Variants in RPN2 observed in about 807,000 individuals in gnomAD.
RPN2 encodes ribophorin II.
Under a neutral mutation model 71.4 loss-of-function variants are expected in RPN2, and 29 were observed. The ratio of observed to expected loss-of-function variants is 0.41; its 90% CI spans 0.30 to 0.55. The LOEUF (loss-of-function observed/expected upper bound fraction) is 0.55. Among genes scored for constraint, RPN2 ranks in the 20% least tolerant of loss-of-function variants. RPN2 has a pLI of 0.35. For synonymous variants in RPN2, 308 were observed against 305.0 expected, an observed-to-expected ratio of 1.01 and a Z score of -0.10; for missense variants, 726 against 774.1, an observed-to-expected ratio of 0.94 and a Z score of 0.74.
chr20:37,205,109 A>G (rs1219254915), intron 6 of RPN2, among the ~76,000 whole-genome samples: 1 of 152,148 alleles, frequency 6.6e-6, no homozygotes, highest in Non-Finnish European at 1.5e-5. Context: ...CGTGTAAACA[A>G]ACCATGCTTG....
intron 4 of RPN2, among the ~76,000 whole-genome samples, chr20:37,201,259 T>G (rs2146573489): frequency 6.7e-6 from 1 of 149,822 alleles, no homozygotes; most frequent in African/African-American, 2.5e-5. Flanking sequence ...TCGTTGTTGT[T>G]ATTTGTATGT....
chr20:37,203,816 A>T, intron 4 of RPN2, 69 bp from the exon 5 acceptor site: 1 of 1,086,220 alleles, frequency 9.2e-7, no homozygotes, highest in Admixed American at 1.7e-5. Context: ...AAAGTGTCCA[A>T]GTACGGGAAG....
At chr20:37,229,204 A>G (rs539162761) in intron 12 of RPN2, among the ~76,000 whole-genome samples, 3 of 152,296 alleles carry the variant, frequency 2.0e-5, no homozygotes, top group African/African-American at 7.2e-5. Context: ...CTAATAACCA[A>G]CATTTGTGTA....
chr20:37,240,520 C>CCA (rs976285181), intron 16 of RPN2, among the ~76,000 whole-genome samples: 5 of 152,300 alleles, frequency 3.3e-5, no homozygotes, highest in African/African-American at 1.2e-4. Flanking sequence ...GGAAGAGCTG[C>CCA]CACTGAAGGA....
chr20:37,228,900 T>C (rs967516390), intron 12 of RPN2, 156 bp downstream of exon 12: 18 of 711,522 alleles, frequency 2.5e-5, no homozygotes, highest in Admixed American at 1.3e-4. Flanking sequence ...TCTCCATAAA[T>C]AGTCCTGGGG....
At chr20:37,230,091 G>A (rs112634284) in intron 13 of RPN2, 32 bp downstream of exon 13, 41,535 of 1,536,374 alleles carry the variant, frequency 0.027, 708 homozygotes, top group Middle Eastern at 0.031. Context: ...CACTAAACGT[G>A]GGAGAAGAGA....
At chr20:37,234,890 G>A (rs1600849267) in intron 15 of RPN2, among the ~76,000 whole-genome samples, 2 of 152,178 alleles carry the variant, frequency 1.3e-5, no homozygotes, top group East Asian at 1.9e-4. Flanking sequence ...TGTGTTCAGA[G>A]CTGGTCTTGA....
intron 16 of RPN2, chr20:37,238,935 T>C (rs567423048): frequency 4.5e-6 from 2 of 448,852 alleles, no homozygotes; most frequent in African/African-American, 4.0e-5. Flanking sequence ...TATGAAGGAC[T>C]GATGGCCACA....
At chr20:37,229,926 C>T in intron 12 of RPN2, 47 bp from the exon 13 acceptor site, 1 of 1,380,100 alleles carries the variant, frequency 7.2e-7, no homozygotes, top group East Asian at 2.3e-5. Context: ...TGAGTTTCAC[C>T]CACTTCTCTG....
At chr20:37,212,193 C>T (rs150389930) in intron 8 of RPN2, among the ~76,000 whole-genome samples, 1,879 of 152,112 alleles carry the variant, frequency 0.012, 37 homozygotes, top group African/African-American at 0.043. Flanking sequence ...GTGGGAGGAT[C>T]GCTTGAGGCT....
chr20:37,239,756 G>A (rs2068502541), intron 16 of RPN2, among the ~76,000 whole-genome samples: 1 of 152,098 alleles, frequency 6.6e-6, no homozygotes, highest in South Asian at 2.1e-4. Context: ...GCTCCCCGGT[G>A]CCCCTTTTAG....
chr20:37,198,030 C>G (rs959744917), intron 2 of RPN2, among the ~76,000 whole-genome samples: 1 of 152,138 alleles, frequency 6.6e-6, no homozygotes, highest in Non-Finnish European at 1.5e-5. Context: ...CAATTTGGAG[C>G]CCCAGTTTCT....
intron 2 of RPN2, among the ~76,000 whole-genome samples, chr20:37,193,729 G>A (rs1227172534): frequency 6.6e-6 from 1 of 152,178 alleles, no homozygotes; most frequent in Non-Finnish European, 1.5e-5. Flanking sequence ...AACACAGGAA[G>A]ACAATGAGGT....
intron 2 of RPN2, among the ~76,000 whole-genome samples, chr20:37,190,507 C>T (rs1001370190): frequency 2.0e-5 from 3 of 152,176 alleles, no homozygotes; most frequent in African/African-American, 7.2e-5. Context: ...TAATAATACT[C>T]AGCTCACAGA....
intron 4 of RPN2, among the ~76,000 whole-genome samples, chr20:37,203,131 C>T (rs2067430989): frequency 1.3e-5 from 2 of 152,068 alleles, no homozygotes; most frequent in Admixed American, 1.3e-4. Context: ...CACTGTATTG[C>T]CCAGGCTGGT....
intron 16 of RPN2, among the ~76,000 whole-genome samples, chr20:37,240,263 G>C (rs1163920534): frequency 2.0e-5 from 3 of 152,242 alleles, no homozygotes; most frequent in Admixed American, 2.0e-4. Context: ...GTCAAGAGTT[G>C]TGGGCCACTA....
intron 1 of RPN2, among the ~76,000 whole-genome samples, chr20:37,181,888 T>A (rs1476252942): frequency 1.5e-5 from 2 of 135,526 alleles, no homozygotes; most frequent in African/African-American, 5.8e-5. Flanking sequence ...TCCATAGCAC[T>A]TACTTTGTAA....
At chr20:37,213,671 G>A (rs989009810) in intron 8 of RPN2, 89 bp from the exon 9 acceptor site, 3 of 994,520 alleles carry the variant, frequency 3.0e-6, no homozygotes, top group African/African-American at 3.2e-5. Flanking sequence ...GCCTTGGACA[G>A]TCTCCAGGAG....
intron 4 of RPN2, among the ~76,000 whole-genome samples, chr20:37,202,816 G>T (rs2067422526): frequency 6.6e-6 from 1 of 152,214 alleles, no homozygotes; most frequent in Admixed American, 6.5e-5. Flanking sequence ...CAGATTGTAT[G>T]ATTCCATTTC....
Sources: gnomAD v4.1 joint callset for allele counts (sites outside exome capture counted in the v4.1 genomes callset) on GRCh38, gnomAD v4.1.1 for gene constraint, MANE v1.5 for transcripts, NCBI Gene and HGNC (gene_info 2026-07-23, HGNC 2026-07-21) for gene names.